Variants in MCCC1 observed in about 807,000 individuals in gnomAD.
The protein encoded by MCCC1 is methylcrotonoyl-CoA carboxylase subunit alpha, mitochondrial.
MCCC1 carries 64 observed loss-of-function variants against 83.8 expected under a neutral mutation model. That is an observed-to-expected ratio of 0.76 (90% confidence interval 0.62 to 0.94). The LOEUF (loss-of-function observed/expected upper bound fraction) is 0.94, where lower values mean the gene tolerates loss of function less well. Ranked by LOEUF, MCCC1 falls within the 40% of genes least tolerant of loss-of-function variation. The pLI, the probability that MCCC1 is intolerant of heterozygous loss-of-function variation, is 0.00. For synonymous variants in MCCC1, 322 were observed against 315.4 expected (o/e 1.02, Z -0.22); for missense variants, 807 against 904.7 (o/e 0.89, Z 1.39).
chr3:183,114,061 C>T (rs1468872535), intron 1 of MCCC1, among the ~76,000 whole-genome samples: 1 of 152,188 alleles, frequency 6.6e-6, no homozygotes, highest in Non-Finnish European at 1.5e-5. Flanking sequence ...AAGGACTTAA[C>T]TTGTGCAAGC....
chr3:183,036,354 T>C (rs1218618999), intron 13 of MCCC1, among the ~76,000 whole-genome samples: 3 of 151,994 alleles, frequency 2.0e-5, no homozygotes, highest in Non-Finnish European at 4.4e-5. Context: ...AAGTCATGGG[T>C]AACCCTGGGG....
At chr3:183,017,158 T>C (rs1711708244) in intron 18 of MCCC1, 108 bp downstream of exon 18, 1 of 981,988 alleles carries the variant, frequency 1.0e-6, no homozygotes, top group Admixed American at 1.7e-5. Flanking sequence ...TCGTCAATCA[T>C]GGCTTTTCAT....
chr3:183,029,539 T>G (rs1317815918), intron 14 of MCCC1, among the ~76,000 whole-genome samples: 1 of 152,214 alleles, frequency 6.6e-6, no homozygotes, highest in East Asian at 1.9e-4. Context: ...GCTTTTCACA[T>G]GCAACAGTTT....
chr3:183,111,035 T>G (rs1198887241), intron 1 of MCCC1, among the ~76,000 whole-genome samples: 1 of 152,238 alleles, frequency 6.6e-6, no homozygotes, highest in African/African-American at 2.4e-5. Context: ...GACATGCTTT[T>G]TAATGATGAT....
At chr3:183,087,636 A>T (rs1325207873) in intron 3 of MCCC1, among the ~76,000 whole-genome samples, 1 of 152,122 alleles carries the variant, frequency 6.6e-6, no homozygotes, top group Non-Finnish European at 1.5e-5. Context: ...AGCAAGGCCA[A>T]GGCGGGCGGA....
chr3:183,096,620 G>A (rs79983460), intron 1 of MCCC1, among the ~76,000 whole-genome samples: 2,937 of 152,244 alleles, frequency 0.019, 97 homozygotes, highest in African/African-American at 0.068. Context: ...ATCTATATGC[G>A]TCTATACACT....
chr3:183,099,580 A>G (rs1577377241), upstream of MCCC1: 1 of 995,606 alleles, frequency 1.0e-6, no homozygotes, highest in East Asian at 2.6e-5. Context: ...GGGCTGATCC[A>G]AGAATGTGAG....
chr3:183,036,894 T>C (rs547179745), intron 13 of MCCC1, among the ~76,000 whole-genome samples: 8 of 152,126 alleles, frequency 5.3e-5, no homozygotes, highest in South Asian at 2.1e-4. Flanking sequence ...AGGATGGTCT[T>C]GATCTCCTGA....
intron 2 of MCCC1, among the ~76,000 whole-genome samples, chr3:183,092,988 G>C (rs1408746831): frequency 2.6e-5 from 4 of 152,082 alleles, no homozygotes; most frequent in Non-Finnish European, 4.4e-5. Flanking sequence ...CTACCTCCCA[G>C]GGTCAAGCAA....
chr3:183,092,482 G>A lies in MCCC1; in HGVS notation c.200C>T (p.Thr67Ile), dbSNP rs2108565928. 6.2e-7 allele frequency: 1 copy of A among 1,614,176 alleles called. No homozygotes were observed. Among genetic ancestry groups the A allele is most frequent in the Non-Finnish European group, 8.5e-7 (1 of 1,180,036 alleles). The change falls in exon 3 of 19, where the codon ACA becomes ATA. Residue 67 changes from threonine to isoleucine, a missense_variant. Physicochemically the swap from Thr to Ile is moderately conservative, Grantham distance 89. Transcript: ENST00000265594. Reference protein sequence around the residue: ...RGEIACRVMRTAKKLGVQTVA... With the variant: ...RGEIACRVMRIAKKLGVQTVA... ...AGTCTGTACACCCAGTTTTTTGGCT[G>A]TGCGCATCACCCTGCAGGCAATTTC...
At chr3:183,074,293 G>GGAA (rs1716904772) in intron 4 of MCCC1, among the ~76,000 whole-genome samples, 1 of 152,078 alleles carries the variant, frequency 6.6e-6, no homozygotes, top group Admixed American at 6.6e-5. Flanking sequence ...CCACAGAAGA[G>GGAA]GAAATTCAGT....
In MCCC1 at chr3:183,015,357, A is replaced by T. The variant is rs1711532682; in HGVS notation, c.*81T>A. 4.8e-6 allele frequency: 7 copies of T among 1,470,344 alleles called. No homozygotes were observed. The Admixed American group carries it at 1.0e-4, about 21-fold the overall frequency. The allele number at this position is 1,470,344 out of a possible 1,614,324, so 91.1% of individuals were successfully genotyped here. A position where few individuals can be genotyped will look rare whatever the true frequency, so the allele number is the denominator to read the frequency against. ...ATTTAGTAAAACTGCTCTTTATGAGACCCCCAGAAAAGCTGGAGGCACTTC... is the reference window on the plus strand; with the variant it reads ...ATTTAGTAAAACTGCTCTTTATGAGTCCCCCAGAAAAGCTGGAGGCACTTC... On this transcript the variant is annotated 3_prime_UTR_variant, in exon 19 of 19. Coordinates refer to ENST00000265594, the MANE Select transcript of MCCC1 (RefSeq NM_020166.5).
chr3:183,100,140 AAT>A (rs1050157944), upstream of MCCC1, among the ~76,000 whole-genome samples: 10 of 152,202 alleles, frequency 6.6e-5, no homozygotes, highest in Admixed American at 2.0e-4. Flanking sequence ...CAAAAAATAA[AAT>A]AGTTATCTAA....
chr3:183,111,630 T>C (rs529194238), intron 1 of MCCC1, among the ~76,000 whole-genome samples: 1 of 152,326 alleles, frequency 6.6e-6, no homozygotes, highest in East Asian at 1.9e-4. Context: ...TATAAAGTGA[T>C]ACATGCATGT....
At chr3:183,033,145 G>A (rs2108460178) in intron 14 of MCCC1, among the ~76,000 whole-genome samples, 1 of 152,326 alleles carries the variant, frequency 6.6e-6, no homozygotes, top group East Asian at 1.9e-4. Flanking sequence ...AGCTATCATA[G>A]AATTCTGGTC....
chr3:183,025,675 C>T, intron 15 of MCCC1, 80 bp downstream of exon 15: 1 of 1,257,216 alleles, frequency 8.0e-7, no homozygotes, highest in Non-Finnish European at 1.2e-6. Flanking sequence ...TTAAGGGAAA[C>T]CAGAGAGTGA....
chr3:183,111,266 G>C (rs1230705494), intron 1 of MCCC1, among the ~76,000 whole-genome samples: 1 of 152,078 alleles, frequency 6.6e-6, no homozygotes, highest in Non-Finnish European at 1.5e-5. Context: ...ACCTTACAGG[G>C]TCATTGTGAA....
chr3:183,075,899 A>G (rs920455386), intron 4 of MCCC1, among the ~76,000 whole-genome samples: 1 of 152,136 alleles, frequency 6.6e-6, no homozygotes, highest in Non-Finnish European at 1.5e-5. Context: ...TAAGTTCCTT[A>G]TAGATGCTAG....
intron 14 of MCCC1, among the ~76,000 whole-genome samples, chr3:183,027,276 C>T (rs905950373): frequency 1.3e-5 from 2 of 152,106 alleles, no homozygotes; most frequent in African/African-American, 2.4e-5. Flanking sequence ...TGAGGCAATA[C>T]AATATTGAAA....
Sources: gnomAD v4.1 joint callset for allele counts (sites outside exome capture counted in the v4.1 genomes callset) on GRCh38, gnomAD v4.1.1 for gene constraint, MANE v1.5 for transcripts, NCBI Gene and HGNC (gene_info 2026-07-23, HGNC 2026-07-21) for gene names.